ABCB4: variants seen among roughly 807,000 people sequenced by gnomAD.
ABCB4 encodes the protein phosphatidylcholine translocator ABCB4.
ABCB4 carries 76 observed loss-of-function variants against 145.7 expected under a neutral mutation model. That is an observed-to-expected ratio of 0.52 (90% confidence interval 0.43 to 0.63). ABCB4 has a LOEUF of 0.63. Ranked by LOEUF, ABCB4 falls within the 30% of genes least tolerant of loss-of-function variation. The pLI, the probability that ABCB4 is intolerant of heterozygous loss-of-function variation, is 0.00. For synonymous variants in ABCB4, 517 were observed against 566.8 expected (o/e 0.91, Z 1.25); for missense variants, 1,234 against 1,553.1 (o/e 0.79, Z 3.45).
At chr7:87,445,532 C>T (rs1811288211) in intron 9 of ABCB4, among the ~76,000 whole-genome samples, 1 of 152,184 alleles carries the variant, frequency 6.6e-6, no homozygotes, top group South Asian at 2.1e-4. Flanking sequence ...TTTCCCTTCA[C>T]AGTATTTTTT....
At chr7:87,391,814 C>A in the ABCB4 span, 3 of 1,149,536 alleles carry the variant, frequency 2.6e-6, no homozygotes, top group East Asian at 2.7e-5. Context: ...TTTCCTGGAT[C>A]ATTAAAATAC....
Position 87,451,698 on chromosome 7 carries a change from G to A in ABCB4, c.633C>T (p.Ile211=). ...TCACAAGGGTGAGCTTCCATCCTCT[G>A]ATGAATCCCACTATGAATCCTGCAA... ...TFFAGFIVGF[I]RGWKLTLVIM... is the part of the protein sequence containing the mutation. The change falls in exon 7 of 28, where the codon ATC becomes ATT. Residue 211 remains isoleucine (I), a synonymous_variant. Transcript: ENST00000649586. 1 of 1,614,156 alleles carries A rather than the reference G, an allele frequency of 6.2e-7. No homozygotes were observed. The highest frequency in any genetic ancestry group is 2.2e-5 in the East Asian group (1 of 44,880).
At chr7:87,470,857 C>A (rs1431782114) in intron 3 of ABCB4, among the ~76,000 whole-genome samples, 1 of 152,190 alleles carries the variant, frequency 6.6e-6, no homozygotes, top group Non-Finnish European at 1.5e-5. Context: ...ACCCAGCCAT[C>A]CCATTACTAG....
At chr7:87,392,696 T>G in the ABCB4 span, 1 of 1,611,298 alleles carries the variant, frequency 6.2e-7, no homozygotes, top group South Asian at 1.1e-5. Flanking sequence ...GTGAAAAATT[T>G]TTTTCTAACC....
intron 10 of ABCB4, 143 bp downstream of exon 10, chr7:87,444,719 G>C: frequency 1.6e-6 from 1 of 611,112 alleles, no homozygotes. Context: ...TTACTAACAG[G>C]TCATTCATTT....
intron 14 of ABCB4, among the ~76,000 whole-genome samples, chr7:87,433,377 G>C (rs926255325): frequency 9.9e-5 from 15 of 152,228 alleles, no homozygotes; most frequent in African/African-American, 3.6e-4. Flanking sequence ...TTATATGGAA[G>C]CTGGGTTTAG....
At chr7:87,383,742 G>A in the ABCB4 span, among the ~76,000 whole-genome samples, 417 of 151,996 alleles carry the variant, frequency 2.7e-3, 1 homozygote, top group African/African-American at 9.5e-3. Context: ...GGTGATCTGC[G>A]TGCCTTGGCC....
At position 87,451,810 on chromosome 7, in the gene ABCB4, C is replaced by T. The variant is rs769813835; in HGVS notation, c.537-16G>A. 23 of 1,613,686 alleles carry T rather than the reference C, an allele frequency of 1.4e-5. No individual in the cohort carries two copies. In the Admixed American group the frequency reaches 2.2e-4, roughly 15 times the overall value. On this transcript the variant is annotated splice_polypyrimidine_tract_variant and intron_variant, in intron 6 of 27. Transcript: ENST00000649586. ...GGAGATGTCACTAAAAAAGATCACA[C>T]CTAAGTGGTTACAGGCAGGAGGTTT...
intron 4 of ABCB4, 149 bp from the exon 5 acceptor site, chr7:87,454,741 C>A: frequency 1.5e-6 from 1 of 652,812 alleles, no homozygotes; most frequent in Non-Finnish European, 2.6e-6. Flanking sequence ...TTTCTTTGCA[C>A]ACTTAAGTGC....
rs750882970 is a variant in ABCB4, at chr7:87,443,707, A to G, written c.1186T>C (p.Phe396Leu). The G allele has an allele frequency of 4.3e-6, 7 of 1,613,850 alleles. No homozygotes were observed. Among genetic ancestry groups the G allele is most frequent in the Non-Finnish European group, 5.9e-6 (7 of 1,179,960 alleles). Reference protein sequence around the residue: ...KPDSIKGNLEFNDVHFSYPSR... With the variant: ...KPDSIKGNLELNDVHFSYPSR... Reference sequence around the variant, plus strand: ...GGGTAAGAAAAGTGAACATCATTGAACTCCAAATTCCCTTTGATGCTGTCT... The same window carrying G: ...GGGTAAGAAAAGTGAACATCATTGAGCTCCAAATTCCCTTTGATGCTGTCT... The change falls in exon 11 of 28, where the codon TTC becomes CTC. Residue 396 changes from phenylalanine to leucine, a missense_variant. Physicochemically the swap from Phe to Leu is conservative, Grantham distance 22. This residue lies in a region of ABCB4 where 467 missense variants were observed against 632.8 expected (regional missense o/e 0.74). Transcript: ENST00000649586.
At chr7:87,475,543 G>C in intron 1 of ABCB4, 72 bp from the exon 2 acceptor site, 4 of 1,470,514 alleles carry the variant, frequency 2.7e-6, no homozygotes, top group Non-Finnish European at 3.8e-6. Context: ...CGCGGGGCCC[G>C]GGGGCACTGG....
intron 22 of ABCB4, among the ~76,000 whole-genome samples, chr7:87,412,866 A>T (rs1808717180): frequency 6.6e-6 from 1 of 152,170 alleles, no homozygotes; most frequent in South Asian, 2.1e-4. Context: ...TGGTGCATAC[A>T]TGTTTTATGT....
At chr7:87,441,524 A>G (rs1246693486) in intron 12 of ABCB4, among the ~76,000 whole-genome samples, 1 of 152,010 alleles carries the variant, frequency 6.6e-6, no homozygotes, top group Non-Finnish European at 1.5e-5. Context: ...CTAATAATAA[A>G]TATAATACTT....
chr7:87,444,720 T>G (rs1811229293), intron 10 of ABCB4, 142 bp downstream of exon 10: 2 of 615,712 alleles, frequency 3.2e-6, no homozygotes, highest in Non-Finnish European at 5.7e-6. Flanking sequence ...TACTAACAGG[T>G]CATTCATTTC....
At chr7:87,371,852 A>G in the ABCB4 span, among the ~76,000 whole-genome samples, 31 of 151,946 alleles carry the variant, frequency 2.0e-4, no homozygotes, top group African/African-American at 7.5e-4. Context: ...TTAGCTGGAC[A>G]TGATAGTGCT....
intron 13 of ABCB4, among the ~76,000 whole-genome samples, 160 bp downstream of exon 13, chr7:87,440,039 A>G (rs1810865525): frequency 1.3e-5 from 2 of 152,230 alleles, no homozygotes; most frequent in Admixed American, 6.5e-5. Context: ...CTACCATGCT[A>G]TAATCCTTTA....
Position 87,444,965 on chromosome 7 carries a change from G to GAA in ABCB4, c.1014_1015dup (p.Ser339PhefsTer4). ...AACACTGAAAGCTCCAATTAGGATT[G>GAA]AAAAAAAAACCTGAGCAAAATAACA... is the stretch of plus-strand genomic sequence containing the variant. On this transcript the variant is annotated frameshift_variant, in exon 10 of 28. Transcript: ENST00000649586. LOFTEE classifies it high-confidence loss of function. 1.3e-6 allele frequency: 2 copies of GAA among 1,573,474 alleles called. No individual in the cohort carries two copies. Among genetic ancestry groups the GAA allele is most frequent in the Non-Finnish European group, 1.7e-6 (2 of 1,161,170 alleles).
Position 87,410,346 on chromosome 7 carries a change from A to G in ABCB4, c.2925-954T>C, listed in dbSNP as rs1420477351. On this transcript the variant is annotated intron_variant, in intron 23 of 27. Transcript: ENST00000649586. ...GCTAAGATATTAAAAATGGGTTTTAATACCTAGGGGCTGGGATGAGAGGTA... is the reference window on the plus strand; with the variant it reads ...GCTAAGATATTAAAAATGGGTTTTAGTACCTAGGGGCTGGGATGAGAGGTA... 5.3e-5 allele frequency among the ~76,000 whole-genome samples: 8 copies of G among 152,284 alleles called. No homozygotes were observed. In the East Asian group the frequency reaches 1.5e-3, roughly 29 times the overall value.
At chr7:87,466,185 G>A (rs1000662149) in intron 3 of ABCB4, among the ~76,000 whole-genome samples, 8 of 152,110 alleles carry the variant, frequency 5.3e-5, no homozygotes, top group Admixed American at 1.3e-4. Context: ...TAGAATAACC[G>A]ATGCAGAGAA....
Sources: allele counts gnomAD v4.1 joint callset (sites outside exome capture counted in the v4.1 genomes callset), GRCh38; gene constraint gnomAD v4.1.1; regional missense constraint gnomAD v4.1.1; transcripts MANE v1.5; gene names NCBI Gene and HGNC (gene_info 2026-07-23, HGNC 2026-07-21).